The following EIF4E variants were observed in gnomAD, a reference collection of about 807,000 sequenced individuals.
The protein encoded by EIF4E is eukaryotic translation initiation factor 4E.
For missense variants in EIF4E, 113 were observed against 265.6 expected (o/e 0.43, Z 3.99); for synonymous variants, 71 against 88.5 (o/e 0.80, Z 1.11).
At chr4:98,914,779 G>C (rs1725307957) in intron 1 of EIF4E, among the ~76,000 whole-genome samples, 1 of 152,122 alleles carries the variant, frequency 6.6e-6, no homozygotes, top group Non-Finnish European at 1.5e-5. Flanking sequence ...TATGAACTTT[G>C]GGTGACAATA....
At chr4:98,918,326 A>G (rs773199201) in intron 1 of EIF4E, among the ~76,000 whole-genome samples, 4 of 150,480 alleles carry the variant, frequency 2.7e-5, no homozygotes, top group African/African-American at 2.4e-5. Flanking sequence ...TTGTCACTGC[A>G]CTCCAGCCTA....
chr4:98,881,193 C>A, intron 6 of EIF4E, 51 bp from the exon 7 acceptor site: 1 of 1,587,156 alleles, frequency 6.3e-7, no homozygotes, highest in South Asian at 1.2e-5. Context: ...AACTTTTACT[C>A]ACAAGAAATA....
chr4:98,908,846 CA>C lies in EIF4E; in HGVS notation c.19-6865del, dbSNP rs1230506039. 2.0e-4 allele frequency among the ~76,000 whole-genome samples: 31 copies of C among 152,296 alleles called. No homozygotes were observed. In the Middle Eastern group the frequency reaches 0.021, roughly 101 times the overall value. Reference sequence around the variant, plus strand: ...TGAAGTCCTGGAAAAGTAAACATGTCATTTAAATCCAGGACTACCAGGGTTT... The same window carrying C: ...TGAAGTCCTGGAAAAGTAAACATGTCTTTAAATCCAGGACTACCAGGGTTT... On this transcript the variant is annotated intron_variant, in intron 1 of 6. Transcript: ENST00000450253.
At chr4:98,913,390 G>A (rs1259502616) in intron 1 of EIF4E, among the ~76,000 whole-genome samples, 1 of 151,984 alleles carries the variant, frequency 6.6e-6, no homozygotes, top group African/African-American at 2.4e-5. Flanking sequence ...GAGTGCAGGG[G>A]TGCAATCACA....
At chr4:98,896,128 G>A (rs113344398) in intron 2 of EIF4E, among the ~76,000 whole-genome samples, 2,800 of 151,896 alleles carry the variant, frequency 0.018, 72 homozygotes, top group African/African-American at 0.062. Flanking sequence ...CCTGGGAGGC[G>A]GAGGTTGCAG....
chr4:98,918,766 A>G (rs1275613810), intron 1 of EIF4E, among the ~76,000 whole-genome samples: 1 of 152,246 alleles, frequency 6.6e-6, no homozygotes, highest in Non-Finnish European at 1.5e-5. Flanking sequence ...AATGCTCTAC[A>G]AGACATATTA....
At chr4:98,889,682 T>C (rs924692173) in intron 3 of EIF4E, among the ~76,000 whole-genome samples, 4 of 152,186 alleles carry the variant, frequency 2.6e-5, no homozygotes, top group African/African-American at 4.8e-5. Context: ...TGTAATGACA[T>C]TGACTACATG....
chr4:98,916,389 G>T (rs1259624207), intron 1 of EIF4E, among the ~76,000 whole-genome samples: 2 of 150,704 alleles, frequency 1.3e-5, no homozygotes, highest in African/African-American at 4.9e-5. Context: ...AAAAATAAAT[G>T]AAATTTCCCA....
At chr4:98,917,522 C>T (rs1394584504) in intron 1 of EIF4E, among the ~76,000 whole-genome samples, 1 of 152,144 alleles carries the variant, frequency 6.6e-6, no homozygotes, top group African/African-American at 2.4e-5. Flanking sequence ...TATGAGCCTT[C>T]ATCCAATAGT....
At chr4:98,894,473 C>T (rs1280251330) in intron 2 of EIF4E, among the ~76,000 whole-genome samples, 1 of 152,222 alleles carries the variant, frequency 6.6e-6, no homozygotes, top group African/African-American at 2.4e-5. Flanking sequence ...TCTATATCAG[C>T]CCTTGCTGCT....
At chr4:98,892,421 G>A (rs1258271521) in intron 2 of EIF4E, among the ~76,000 whole-genome samples, 1 of 151,708 alleles carries the variant, frequency 6.6e-6, no homozygotes, top group Non-Finnish European at 1.5e-5. Flanking sequence ...GCTCAAGCCT[G>A]TAATCTCAAC....
chr4:98,899,777 T>C (rs1017052095), intron 2 of EIF4E, among the ~76,000 whole-genome samples: 2 of 152,130 alleles, frequency 1.3e-5, no homozygotes, highest in Admixed American at 6.5e-5. Flanking sequence ...AAAGTATACA[T>C]ATGTGCATTT....
chr4:98,907,955 A>G (rs912119087), intron 1 of EIF4E, among the ~76,000 whole-genome samples: 7 of 152,216 alleles, frequency 4.6e-5, no homozygotes, highest in Admixed American at 3.9e-4. Flanking sequence ...AATGCGGCAT[A>G]CTGAACTAGA....
At chr4:98,918,922 G>A (rs921288807) in intron 1 of EIF4E, among the ~76,000 whole-genome samples, 3 of 152,188 alleles carry the variant, frequency 2.0e-5, no homozygotes, top group African/African-American at 7.2e-5. Context: ...CATCTGCCTG[G>A]ATAGGGATCA....
intron 2 of EIF4E, 183 bp from the exon 3 acceptor site, chr4:98,891,515 A>C: frequency 1.6e-6 from 1 of 617,888 alleles, no homozygotes; most frequent in South Asian, 2.0e-5. Flanking sequence ...ACACTTCATA[A>C]AACATGAGGG....
Position 98,881,126 on chromosome 4 carries a change from T to G in EIF4E, c.556A>C (p.Arg186=). The G allele has an allele frequency of 6.2e-7, 1 of 1,612,532 alleles. No individual in the cohort carries two copies. Among genetic ancestry groups the G allele is most frequent in the Non-Finnish European group, 8.5e-7 (1 of 1,179,366 alleles). Reference sequence around the variant, plus strand: ...ACTATCTTTGGAGGAAGTCCTAACCTTTCCTTGTATACCCTCCTAGAAGAA... The same window carrying G: ...ACTATCTTTGGAGGAAGTCCTAACCGTTCCTTGTATACCCTCCTAGAAGAA... ...VTHIGRVYKE[R]LGLPPKIVIG... The change falls in exon 7 of 7, where the codon AGG becomes CGG. Residue 186 remains arginine (R), a synonymous_variant. Transcript: ENST00000450253.
At chr4:98,892,681 CAAAAAAAAAA>C (rs72248242) in intron 2 of EIF4E, among the ~76,000 whole-genome samples, 1 of 114,138 alleles carries the variant, frequency 8.8e-6, no homozygotes, top group Non-Finnish European at 1.9e-5. Flanking sequence ...AACTCTGTCT[CAAAAAAAAAA>C]AAAAAAAAAG....
chr4:98,896,095 C>T (rs1724369413), intron 2 of EIF4E, among the ~76,000 whole-genome samples: 1 of 152,074 alleles, frequency 6.6e-6, no homozygotes, highest in South Asian at 2.1e-4. Flanking sequence ...ACTCAGGAGG[C>T]TGAGGCAGGA....
At chr4:98,922,504 C>T (rs1579187235) in intron 1 of EIF4E, among the ~76,000 whole-genome samples, 1 of 149,734 alleles carries the variant, frequency 6.7e-6, no homozygotes, top group African/African-American at 2.5e-5. Flanking sequence ...TGCAGTGAGC[C>T]GAGATCGCGC....
Sources: allele counts gnomAD v4.1 joint callset (sites outside exome capture counted in the v4.1 genomes callset), GRCh38; gene constraint gnomAD v4.1.1; transcripts MANE v1.5; gene names NCBI Gene and HGNC (gene_info 2026-07-23, HGNC 2026-07-21).